Variants in TRIM6 observed in about 807,000 individuals in gnomAD.
TRIM6 encodes tripartite motif containing 6.
A neutral mutation model predicts 51.2 loss-of-function variants in TRIM6; 43 were observed. That is an observed-to-expected ratio of 0.84 (90% CI 0.66 to 1.08). The LOEUF (loss-of-function observed/expected upper bound fraction) is 1.08. Among genes scored for constraint, TRIM6 ranks in the 50% least tolerant of loss-of-function variants. The pLI, the probability that TRIM6 is intolerant of heterozygous loss-of-function variation, is 0.00. For missense variants in TRIM6, 669 were observed against 619.0 expected (o/e 1.08, Z -0.86); for synonymous variants, 215 against 232.4 (o/e 0.93, Z 0.68).
intron 4 of TRIM6, among the ~76,000 whole-genome samples, chr11:5,606,006 T>C (rs2133845997): frequency 6.6e-6 from 1 of 152,310 alleles, no homozygotes; most frequent in East Asian, 1.9e-4. Flanking sequence ...CCAAATTTCT[T>C]CAGACATTGC....
At position 5,611,243 on chromosome 11, in the gene TRIM6, C is replaced by T; in HGVS notation, c.1452C>T (p.Ile484=). The stretch of plus-strand genomic sequence containing the variant: ...ATGTCACAAACCATGGCTTCCCCAT[C>T]TACACTTTCTCTAAATATTACTTTC... ...FYNVTNHGFP[I]YTFSKYYFPT... The change falls in exon 8 of 8, where the codon ATC becomes ATT. Residue 484 remains isoleucine (I), a synonymous_variant. Transcript: ENST00000380097. The T allele has an allele frequency of 2.5e-6, 4 of 1,614,064 alleles. No homozygotes were observed. The highest frequency in any genetic ancestry group is 3.4e-6 in the Non-Finnish European group (4 of 1,179,940).
intron 3 of TRIM6, 171 bp downstream of exon 3, chr11:5,604,800 A>G (rs1391147890): frequency 3.3e-6 from 2 of 611,580 alleles, no homozygotes; most frequent in Non-Finnish European, 5.4e-6. Flanking sequence ...GAGAGGAGGT[A>G]AATAGCAAAT....
chr11:5,611,455 G>C lies in TRIM6; in HGVS notation c.*113G>C. 2 of 1,032,380 alleles carry C rather than the reference G, an allele frequency of 1.9e-6. No individual in the cohort carries two copies. The highest frequency in any genetic ancestry group is 3.2e-5 in the African/African-American group (2 of 62,200). The allele number at this position is 1,032,380 out of a possible 1,614,324, so 64.0% of individuals were successfully genotyped here. On this transcript the variant is annotated 3_prime_UTR_variant, in exon 8 of 8. Coordinates refer to ENST00000380097, the MANE Select transcript of TRIM6 (RefSeq NM_001003818.3). ...TTCTCAATTCTTTTGTTGTTTTTTG[G>C]TTTTTGAATCTTTTTTGAGATGGAA...
At position 5,612,919 on chromosome 11, in the gene TRIM6, CTA is replaced by C. The variant is rs1295461744; in HGVS notation, c.*1579_*1580del. 2.0e-5 allele frequency: 3 copies of C among 152,132 alleles called. No homozygotes were observed. Among genetic ancestry groups the C allele is most frequent in the African/African-American group, 7.2e-5 (3 of 41,430 alleles). 9.4% of individuals were successfully genotyped at this position (152,132 alleles called of 1,614,324 possible). ...GTATTGCAATGATAATATGTTGGCT[CTA>C]TTGGATTAAATAAAGTATGTTATTC... On this transcript the variant is annotated 3_prime_UTR_variant, in exon 8 of 8. Coordinates refer to ENST00000380097, the MANE Select transcript of TRIM6 (RefSeq NM_001003818.3).
At chr11:5,597,839 T>C (rs147468438) in intron 1 of TRIM6, among the ~76,000 whole-genome samples, 87 of 152,268 alleles carry the variant, frequency 5.7e-4, no homozygotes, top group African/African-American at 2.0e-3. Flanking sequence ...GCACCCTAAA[T>C]TGTATCCACC....
At chr11:5,597,998 T>G (rs552776477) in intron 1 of TRIM6, among the ~76,000 whole-genome samples, 1 of 152,256 alleles carries the variant, frequency 6.6e-6, no homozygotes, top group Non-Finnish European at 1.5e-5. Flanking sequence ...GTGCTTGCAG[T>G]GTTGCTAGTT....
In TRIM6 at chr11:5,599,261, C is replaced by CGAGA. The variant is rs1306481249; in HGVS notation, c.17+2347_17+2348insGAGA. On this transcript the variant is annotated intron_variant, in intron 1 of 7. Coordinates refer to ENST00000380097, the MANE Select transcript of TRIM6 (RefSeq NM_001003818.3). Reference sequence around the variant, plus strand: ...ATTGCATTTATGAGGCAGTAGTTCTCCTTCAAGAGAATTGGGTACGCTAAA... The same window carrying CGAGA: ...ATTGCATTTATGAGGCAGTAGTTCTCGAGACTTCAAGAGAATTGGGTACGCTAAA... Among the ~76,000 whole-genome samples, 25 of 152,208 alleles carry CGAGA rather than the reference C, an allele frequency of 1.6e-4. No homozygotes were observed. The East Asian group carries it at 2.7e-3, about 16-fold the overall frequency.
At chr11:5,610,722 A>G (rs1370569967) in intron 7 of TRIM6, 55 bp from the exon 8 acceptor site, 1 of 1,592,274 alleles carries the variant, frequency 6.3e-7, no homozygotes, top group Non-Finnish European at 8.6e-7. Flanking sequence ...TCTTCTCAGC[A>G]TAACGAGACC....
intron 1 of TRIM6, among the ~76,000 whole-genome samples, chr11:5,598,893 A>G (rs563182760): frequency 6.6e-6 from 1 of 152,110 alleles, no homozygotes; most frequent in African/African-American, 2.4e-5. Flanking sequence ...CACCACCATG[A>G]TCATGATACA....
intron 5 of TRIM6, among the ~76,000 whole-genome samples, chr11:5,609,714 A>G (rs970085630): frequency 1.3e-5 from 2 of 152,162 alleles, no homozygotes; most frequent in African/African-American, 4.8e-5. Flanking sequence ...CGAGGTCAGG[A>G]GATCAAAACC....
chr11:5,607,726 G>C (rs778297526), intron 4 of TRIM6, among the ~76,000 whole-genome samples: 2 of 152,116 alleles, frequency 1.3e-5, no homozygotes, highest in African/African-American at 4.8e-5. Context: ...TGACTTAAGT[G>C]GTTGCTAGTG....
chr11:5,600,292 G>A (rs1056051504), intron 1 of TRIM6, among the ~76,000 whole-genome samples: 11 of 152,154 alleles, frequency 7.2e-5, no homozygotes, highest in Admixed American at 7.2e-4. Context: ...CATTCATAAT[G>A]TTGTTATGTG....
At chr11:5,602,170 G>T (rs538509765) in intron 1 of TRIM6, among the ~76,000 whole-genome samples, 19 of 152,352 alleles carry the variant, frequency 1.2e-4, no homozygotes, top group African/African-American at 4.3e-4. Flanking sequence ...ACCGGGTGCA[G>T]TGGCTCATGC....
chr11:5,611,156 A>T lies in TRIM6; in HGVS notation c.1365A>T (p.Thr455=). 1 of 1,614,186 alleles carries T rather than the reference A, an allele frequency of 6.2e-7. No homozygotes were observed. Among genetic ancestry groups the T allele is most frequent in the Non-Finnish European group, 8.5e-7 (1 of 1,180,040 alleles). Residue 455 remains threonine (T), a synonymous_variant, in exon 8 of 8, where the codon ACA becomes ACT. Coordinates refer to ENST00000380097, the MANE Select transcript of TRIM6 (RefSeq NM_001003818.3). ...CCCCTTCCCTGCTTCTCTCCATGAC[A>T]GTGCCCCCTCGCCGTGTTGGGGTTT... ...DSSPSLLLSM[T]VPPRRVGVFL...
chr11:5,611,158 T>A lies in TRIM6; in HGVS notation c.1367T>A (p.Val456Glu). 6.2e-7 allele frequency: 1 copy of A among 1,614,190 alleles called. No homozygotes were observed. The highest frequency in any genetic ancestry group is 2.2e-5 in the East Asian group (1 of 44,876). Reference sequence around the variant, plus strand: ...CCTTCCCTGCTTCTCTCCATGACAGTGCCCCCTCGCCGTGTTGGGGTTTTC... The same window carrying A: ...CCTTCCCTGCTTCTCTCCATGACAGAGCCCCCTCGCCGTGTTGGGGTTTTC... ...SSPSLLLSMTVPPRRVGVFLD... is the reference protein window; with the variant it reads ...SSPSLLLSMTEPPRRVGVFLD... Residue 456 changes from valine to glutamate, a missense_variant, in exon 8 of 8, where the codon GTG (valine) becomes GAG (glutamate). Coordinates refer to ENST00000380097, the MANE Select transcript of TRIM6 (RefSeq NM_001003818.3).
chr11:5,598,630 A>G (rs1488744493), intron 1 of TRIM6, among the ~76,000 whole-genome samples: 1 of 152,186 alleles, frequency 6.6e-6, no homozygotes, highest in Admixed American at 6.5e-5. Context: ...TTTAAACTAA[A>G]TCTTCAAAAT....
At chr11:5,601,924 G>A (rs1847881326) in intron 1 of TRIM6, among the ~76,000 whole-genome samples, 1 of 152,122 alleles carries the variant, frequency 6.6e-6, no homozygotes, top group Non-Finnish European at 1.5e-5. Flanking sequence ...GTGATGCAAA[G>A]GTGATGGCAG....
chr11:5,607,566 A>G (rs1230303075), intron 4 of TRIM6, among the ~76,000 whole-genome samples: 1 of 152,232 alleles, frequency 6.6e-6, no homozygotes, highest in East Asian at 1.9e-4. Context: ...GAATAGGCCA[A>G]TTCCACAGAA....
At chr11:5,608,279 TATC>T in intron 4 of TRIM6, 90 bp from the exon 5 acceptor site, 1 of 1,558,200 alleles carries the variant, frequency 6.4e-7, no homozygotes, top group Non-Finnish European at 8.7e-7. Context: ...TCTTTATTTG[TATC>T]ATATCATGGG....
Sources: allele counts gnomAD v4.1 joint callset (sites outside exome capture counted in the v4.1 genomes callset), GRCh38; gene constraint gnomAD v4.1.1; transcripts MANE v1.5; gene names NCBI Gene and HGNC (gene_info 2026-07-23, HGNC 2026-07-21).